Variants in CLASP2 observed in about 807,000 individuals in gnomAD.
The protein encoded by CLASP2 is cytoplasmic linker associated protein 2, also known as CLIP-associating protein 2.
CLASP2 carries 47 observed loss-of-function variants against 194.4 expected under a neutral mutation model. That is an observed-to-expected ratio of 0.24 (90% CI 0.19 to 0.31). The LOEUF (loss-of-function observed/expected upper bound fraction) is 0.31, where lower values mean the gene tolerates loss of function less well. CLASP2 is among the 10% of genes least tolerant of loss of function. The pLI is 1.00. For missense variants in CLASP2, 1,445 were observed against 1,823.6 expected (o/e 0.79, Z 3.78); for synonymous variants, 619 against 633.5 (o/e 0.98, Z 0.34).
chr3:33,596,617 AT>A, intron 19 of CLASP2, 93 bp downstream of exon 19: 1 of 853,202 alleles, frequency 1.2e-6, no homozygotes. Context: ...TTAATAATAT[AT>A]TTTTAGAAAT....
At chr3:33,575,155 T>C (rs1284292680) in intron 24 of CLASP2, among the ~76,000 whole-genome samples, 1 of 152,146 alleles carries the variant, frequency 6.6e-6, no homozygotes, top group African/African-American at 2.4e-5. Context: ...ATGTGATCAA[T>C]ATATCCCATG....
intron 36 of CLASP2, among the ~76,000 whole-genome samples, chr3:33,515,397 T>C (rs2051019958): frequency 6.6e-6 from 1 of 152,150 alleles, no homozygotes; most frequent in Non-Finnish European, 1.5e-5. Flanking sequence ...GTGAATAAAC[T>C]TGCAACAGAT....
intron 5 of CLASP2, 113 bp from the exon 6 acceptor site, chr3:33,684,569 T>A (rs1348268250): frequency 3.6e-6 from 2 of 560,926 alleles, no homozygotes; most frequent in Non-Finnish European, 6.0e-6. Context: ...TGGATTTTAA[T>A]GCCCCTGCAT....
At chr3:33,523,374 C>G (rs1217586389) in intron 34 of CLASP2, among the ~76,000 whole-genome samples, 2 of 152,232 alleles carry the variant, frequency 1.3e-5, no homozygotes, top group East Asian at 3.9e-4. Flanking sequence ...ACATGATAAT[C>G]AAACTTTCAA....
chr3:33,595,126 T>C (rs1468149022), intron 19 of CLASP2, among the ~76,000 whole-genome samples, 158 bp from the exon 20 acceptor site: 1 of 152,088 alleles, frequency 6.6e-6, no homozygotes, highest in African/African-American at 2.4e-5. Context: ...AGGTTCATTT[T>C]GAGAAAAACA....
intron 8 of CLASP2, among the ~76,000 whole-genome samples, chr3:33,641,807 T>TG (rs66638144): frequency 1 from 151,921 of 151,922 alleles, 75,960 homozygotes; most frequent in Non-Finnish European, 1. Flanking sequence ...TCAAACCCAG[T>TG]GGCTGTGTCT....
intron 2 of CLASP2, among the ~76,000 whole-genome samples, chr3:33,692,340 T>A (rs972019657): frequency 1.3e-5 from 2 of 152,232 alleles, no homozygotes; most frequent in South Asian, 4.1e-4. Context: ...AGAGGTGAAA[T>A]TTAACTCCAA....
chr3:33,643,410 T>C (rs2081684272), intron 8 of CLASP2, among the ~76,000 whole-genome samples: 1 of 151,926 alleles, frequency 6.6e-6, no homozygotes, highest in African/African-American at 2.4e-5. Context: ...AAATGTCATA[T>C]ACTTTTTACT....
Position 33,498,559 on chromosome 3 carries a change from C to G in CLASP2, c.*72G>C. 7 of 936,506 alleles carry G rather than the reference C, an allele frequency of 7.5e-6. No homozygotes were observed. Among genetic ancestry groups the G allele is most frequent in the Non-Finnish European group, 1.0e-5 (6 of 595,258 alleles). 58.0% of individuals were successfully genotyped at this position (936,506 alleles called of 1,614,324 possible). A position where few individuals can be genotyped will look rare whatever the true frequency, so the allele number is the denominator to read the frequency against. On this transcript the variant is annotated 3_prime_UTR_variant, in exon 39 of 39. Transcript: ENST00000682230. ...AAGTTCCAAAGGATGTGTTTGAGAA[C>G]TTCCTTTCATTGATGAGGGTGGTCT...
At position 33,622,216 on chromosome 3, in the gene CLASP2, A is replaced by G. The variant is rs1428561036; in HGVS notation, c.1100T>C (p.Leu367Ser). Residue 367 changes from leucine to serine, a missense_variant, in exon 11 of 39, where the codon TTA becomes TCA. Physicochemically the swap from Leu to Ser is moderately radical, Grantham distance 145 (BLOSUM62 -2). Transcript: ENST00000682230. The stretch of plus-strand genomic sequence containing the variant: ...TTTAAGTGCTCCATCCAACAATCGT[A>G]AATGTTGAAAAAAGCAATCATACTG... ...AAQYDCFFQH[L>S]RLLDGALKLS... 6.2e-7 allele frequency: 1 copy of G among 1,604,054 alleles called. No homozygotes were observed. Among genetic ancestry groups the G allele is most frequent in the Admixed American group, 1.7e-5 (1 of 58,524 alleles).
At position 33,576,235 on chromosome 3, in the gene CLASP2, AGAC is replaced by A. The variant is rs754465288; in HGVS notation, c.2385_2387del (p.Ser797del). ...TCAGGACTCGCATGGCACTAACAGA[AGAC>A]GACAGTCGACTTGATTGGCTGATCC... On this transcript the variant is annotated inframe_deletion, in exon 24 of 39. Coordinates refer to ENST00000682230, the MANE Select transcript of CLASP2 (RefSeq NM_001365631.1). The A allele has an allele frequency of 1.2e-6, 2 of 1,613,900 alleles. No individual in the cohort carries two copies. Among genetic ancestry groups the A allele is most frequent in the East Asian group, 4.5e-5 (2 of 44,882 alleles).
chr3:33,531,713 T>G (rs1431387434), intron 34 of CLASP2, among the ~76,000 whole-genome samples: 1 of 152,138 alleles, frequency 6.6e-6, no homozygotes, highest in African/African-American at 2.4e-5. Context: ...AGGTGGAGGT[T>G]GCAGTGAGCC....
chr3:33,652,940 C>G (rs1055720750), intron 7 of CLASP2, among the ~76,000 whole-genome samples: 1 of 152,208 alleles, frequency 6.6e-6, no homozygotes, highest in Admixed American at 6.5e-5. Context: ...CACTCCTAAT[C>G]TAAGGCCAGA....
chr3:33,674,619 A>C (rs2088123769), intron 6 of CLASP2, among the ~76,000 whole-genome samples: 1 of 152,120 alleles, frequency 6.6e-6, no homozygotes, highest in African/African-American at 2.4e-5. Flanking sequence ...GACACAAAAA[A>C]CCCTTCAAAA....
rs1184881768 is a variant in CLASP2 at position 33,627,097 on chromosome 3, A to G, written c.943-17T>C. The G allele has an allele frequency of 7.3e-7, 1 of 1,368,734 alleles. No homozygotes were observed. Among genetic ancestry groups the G allele is most frequent in the Non-Finnish European group, 1.0e-6 (1 of 980,276 alleles). The allele number at this position is 1,368,734 out of a possible 1,614,324, so 84.8% of individuals were successfully genotyped here. The stretch of plus-strand genomic sequence containing the variant: ...AGAATAAATCTTAAAAAAAAGATTC[A>G]GAATTATAACAATGTTTCTTGCCAT... On this transcript the variant is annotated splice_polypyrimidine_tract_variant and intron_variant, in intron 9 of 38. Coordinates refer to ENST00000682230, the MANE Select transcript of CLASP2 (RefSeq NM_001365631.1).
chr3:33,631,266 A>C (rs929937986), intron 9 of CLASP2, among the ~76,000 whole-genome samples: 2 of 152,272 alleles, frequency 1.3e-5, no homozygotes, highest in Non-Finnish European at 2.9e-5. Flanking sequence ...CCTTTCTCAC[A>C]GGAGTTTTAA....
chr3:33,573,283 A>G lies in CLASP2; in HGVS notation c.2526T>C (p.Ser842=), dbSNP rs368093295. Residue 842 remains serine, a synonymous_variant, in exon 25 of 39, where the codon TCT becomes TCC. Transcript: ENST00000682230. ...HSDDDANSDA[S]SACSERSYSS... is the part of the protein sequence containing the mutation. ...TATAGGAGCGTTCTGAACAAGCACTAGATGCATCGCTGTTGGCGTCATCAT... is the reference window on the plus strand; with the variant it reads ...TATAGGAGCGTTCTGAACAAGCACTGGATGCATCGCTGTTGGCGTCATCAT... 5.0e-6 allele frequency: 8 copies of G among 1,613,886 alleles called. No individual in the cohort carries two copies. Among genetic ancestry groups the G allele is most frequent in the East Asian group, 2.2e-5 (1 of 44,872 alleles).
At chr3:33,515,189 A>G (rs1446418659) in intron 36 of CLASP2, among the ~76,000 whole-genome samples, 1 of 152,156 alleles carries the variant, frequency 6.6e-6, no homozygotes, top group African/African-American at 2.4e-5. Context: ...TCATATAACC[A>G]AACACCATCT....
chr3:33,522,110 T>C (rs971121328), intron 34 of CLASP2, among the ~76,000 whole-genome samples: 1 of 152,180 alleles, frequency 6.6e-6, no homozygotes, highest in East Asian at 1.9e-4. Context: ...TGGCAGCCAT[T>C]ATTGTTGCAC....
Sources: gnomAD v4.1 joint callset for allele counts (sites outside exome capture counted in the v4.1 genomes callset) on GRCh38, gnomAD v4.1.1 for gene constraint, MANE v1.5 for transcripts, NCBI Gene and HGNC (gene_info 2026-07-23, HGNC 2026-07-21) for gene names.